Variants in ADCY5 observed in about 807,000 individuals in gnomAD.
The protein encoded by ADCY5 is adenylate cyclase type 5.
In ADCY5, 30 loss-of-function variants were observed where a neutral mutation model predicts 119.7. That is an observed-to-expected ratio of 0.25 (90% confidence interval 0.19 to 0.34). The LOEUF is 0.34. ADCY5 is among the 10% of genes least tolerant of loss of function. The pLI is 1.00. For missense variants in ADCY5, 1,324 were observed against 1,775.2 expected, an observed-to-expected ratio of 0.75 and a Z score of 4.57; for synonymous variants, 753 against 762.2, an observed-to-expected ratio of 0.99 and a Z score of 0.20.
intron 1 of ADCY5, among the ~76,000 whole-genome samples, chr3:123,419,542 C>T (rs146565926): frequency 1.0e-3 from 158 of 152,216 alleles, no homozygotes; most frequent in African/African-American, 3.3e-3. Flanking sequence ...TTTTACACTT[C>T]GGTTCTGTAG....
At chr3:123,423,778 G>A (rs112186707) in intron 1 of ADCY5, among the ~76,000 whole-genome samples, 1 of 152,214 alleles carries the variant, frequency 6.6e-6, no homozygotes, top group South Asian at 2.1e-4. Context: ...GGGTTCTCGG[G>A]TATGAGGAAA....
intron 1 of ADCY5, among the ~76,000 whole-genome samples, chr3:123,385,308 C>CACACACACACACACAT (rs146236659): frequency 0.021 from 3,141 of 147,288 alleles, 109 homozygotes; most frequent in African/African-American, 0.069. Flanking sequence ...CACACACACA[C>CACACACACACACACAT]ACGCACGCAC....
At chr3:123,355,876 T>A (rs928189302) in intron 1 of ADCY5, among the ~76,000 whole-genome samples, 1 of 152,094 alleles carries the variant, frequency 6.6e-6, no homozygotes, top group Admixed American at 6.6e-5. Flanking sequence ...AGATTGCCAA[T>A]CAAGTTAGCA....
intron 1 of ADCY5, among the ~76,000 whole-genome samples, chr3:123,385,308 C>CACACACACACACACACACACAT (rs146236659): frequency 4.1e-5 from 6 of 147,332 alleles, no homozygotes; most frequent in African/African-American, 1.5e-4. Context: ...CACACACACA[C>CACACACACACACACACACACAT]ACGCACGCAC....
At chr3:123,417,808 C>A (rs1041288743) in intron 1 of ADCY5, among the ~76,000 whole-genome samples, 3 of 152,214 alleles carry the variant, frequency 2.0e-5, no homozygotes, top group African/African-American at 7.2e-5. Flanking sequence ...GGTTATACTT[C>A]TTTCCAGCCC....
intron 3 of ADCY5, among the ~76,000 whole-genome samples, chr3:123,340,685 T>C (rs973173858): frequency 6.6e-6 from 1 of 152,180 alleles, no homozygotes; most frequent in Non-Finnish European, 1.5e-5. Flanking sequence ...GGTAAGGATG[T>C]GGAGGAATTC....
chr3:123,325,534 T>C, intron 7 of ADCY5, 72 bp from the exon 8 acceptor site: 1 of 1,591,098 alleles, frequency 6.3e-7, no homozygotes, highest in South Asian at 1.1e-5. Context: ...TCCCCAAACA[T>C]CGTACCTGGC....
At chr3:123,300,021 G>GC (rs1315193795) in intron 15 of ADCY5, 99 bp downstream of exon 15, 10 of 1,322,226 alleles carry the variant, frequency 7.6e-6, no homozygotes, top group Non-Finnish European at 9.5e-6. Flanking sequence ...TACTCTCCTC[G>GC]CAAGTTCCCT....
At chr3:123,325,967 C>T (rs1226753934) in intron 7 of ADCY5, among the ~76,000 whole-genome samples, 1 of 152,194 alleles carries the variant, frequency 6.6e-6, no homozygotes, top group African/African-American at 2.4e-5. Context: ...CCAACTTGGT[C>T]CCTGGCAGGC....
At chr3:123,298,830 C>CTTTTTTTT (rs35856404) in intron 15 of ADCY5, among the ~76,000 whole-genome samples, 27,651 of 102,284 alleles carry the variant, frequency 0.27, 5,842 homozygotes, top group Non-Finnish European at 0.35. Flanking sequence ...AAAACTGTCA[C>CTTTTTTTT]TTTTTTTTTT....
chr3:123,291,886 T>G (rs1462837259), intron 17 of ADCY5, among the ~76,000 whole-genome samples: 1 of 152,158 alleles, frequency 6.6e-6, no homozygotes, highest in Non-Finnish European at 1.5e-5. Context: ...CTGCCCAGTC[T>G]GTCTCCCAGG....
At chr3:123,307,896 A>C (rs1461065167) in intron 12 of ADCY5, among the ~76,000 whole-genome samples, 1 of 151,930 alleles carries the variant, frequency 6.6e-6, no homozygotes, top group African/African-American at 2.4e-5. Flanking sequence ...AGAGGCGAGG[A>C]GAAGAACTGC....
Position 123,447,321 on chromosome 3 carries a change from CG to C in ADCY5, c.1134+90del. Reference sequence around the variant, plus strand: ...TGTCTCTCTGGCTCTTTTCACCATTCGAAAGGGTGAGGGTGGGATCCCTTTC... The same window carrying C: ...TGTCTCTCTGGCTCTTTTCACCATTCAAAGGGTGAGGGTGGGATCCCTTTC... On this transcript the variant is annotated intron_variant, in intron 1 of 20. Coordinates refer to ENST00000462833, the MANE Select transcript of ADCY5 (RefSeq NM_183357.3). 3.0e-6 allele frequency: 4 copies of C among 1,330,310 alleles called. No individual in the cohort carries two copies. In the East Asian group the frequency reaches 1.0e-4, roughly 34 times the overall value. The allele number at this position is 1,330,310 out of a possible 1,614,324, so 82.4% of individuals were successfully genotyped here.
intron 1 of ADCY5, among the ~76,000 whole-genome samples, chr3:123,443,086 C>T (rs1016426396): frequency 2.5e-4 from 38 of 152,216 alleles, no homozygotes; most frequent in African/African-American, 8.0e-4. Flanking sequence ...CTCTACCCAG[C>T]GTCTCACATG....
intron 1 of ADCY5, among the ~76,000 whole-genome samples, chr3:123,384,224 C>G (rs950007854): frequency 3.3e-5 from 5 of 152,226 alleles, no homozygotes; most frequent in African/African-American, 1.2e-4. Flanking sequence ...AAATAAACAG[C>G]CTTTAGCTCA....
At chr3:123,290,756 T>C (rs780606616) in intron 18 of ADCY5, among the ~76,000 whole-genome samples, 1 of 152,040 alleles carries the variant, frequency 6.6e-6, no homozygotes, top group Non-Finnish European at 1.5e-5. Flanking sequence ...GCACCCTAGA[T>C]GGCACAAGAG....
chr3:123,400,675 G>A (rs369466159), intron 1 of ADCY5, among the ~76,000 whole-genome samples: 2 of 152,176 alleles, frequency 1.3e-5, no homozygotes, highest in African/African-American at 2.4e-5. Context: ...GGCCAGGCAC[G>A]GTGGCTCACG....
At chr3:123,442,926 C>G (rs1022543075) in intron 1 of ADCY5, among the ~76,000 whole-genome samples, 6 of 152,244 alleles carry the variant, frequency 3.9e-5, no homozygotes, top group African/African-American at 1.4e-4. Context: ...AAAGCCAACC[C>G]CCAACCCCAG....
At chr3:123,328,172 C>T (rs1020546009) in intron 6 of ADCY5, among the ~76,000 whole-genome samples, 5 of 152,338 alleles carry the variant, frequency 3.3e-5, no homozygotes, top group Middle Eastern at 6.8e-3. Flanking sequence ...CCTAAAAGGC[C>T]ATCGGCTCTT....
Sources: allele counts gnomAD v4.1 joint callset (sites outside exome capture counted in the v4.1 genomes callset), GRCh38; gene constraint gnomAD v4.1.1; transcripts MANE v1.5; gene names NCBI Gene and HGNC (gene_info 2026-07-23, HGNC 2026-07-21).